The following PPME1 variants were observed in gnomAD, a reference collection of about 807,000 sequenced individuals.
The protein encoded by PPME1 is testicular secretory protein Li 39.
Under a neutral mutation model 56.9 loss-of-function variants are expected in PPME1, and 17 were observed. The observed-to-expected ratio is 0.30, with a 90% CI of 0.20 to 0.45. PPME1 has a LOEUF of 0.45. Ranked by LOEUF, PPME1 falls within the 20% of genes least tolerant of loss-of-function variation. PPME1 has a pLI of 1.00. For synonymous variants in PPME1, 122 were observed against 156.2 expected (o/e 0.78, Z 1.63); for missense variants, 357 against 483.2 (o/e 0.74, Z 2.45).
Position 74,188,424 on chromosome 11 carries a change from A to T in PPME1, c.102-15304A>T, listed in dbSNP as rs1680065936. 3.3e-5 allele frequency among the ~76,000 whole-genome samples: 5 copies of T among 152,012 alleles called. No individual in the cohort carries two copies. In the South Asian group the frequency reaches 1.0e-3, roughly 32 times the overall value. Reference sequence around the variant, plus strand: ...CTGATCTTGAACTCCTGACCTCATGATCTGCCTGCCTCGGCCTCCCAAAGT... The same window carrying T: ...CTGATCTTGAACTCCTGACCTCATGTTCTGCCTGCCTCGGCCTCCCAAAGT... On this transcript the variant is annotated intron_variant, in intron 1 of 13. Coordinates refer to ENST00000328257, the MANE Select transcript of PPME1 (RefSeq NM_016147.3).
intron 13 of PPME1, among the ~76,000 whole-genome samples, chr11:74,252,138 G>C (rs1420066794): frequency 7.2e-6 from 1 of 139,288 alleles, no homozygotes; most frequent in Non-Finnish European, 1.5e-5. Context: ...GCACAGTCTT[G>C]GTTCACTGCA....
At chr11:74,191,756 A>G (rs897174828) in intron 1 of PPME1, among the ~76,000 whole-genome samples, 25 of 152,192 alleles carry the variant, frequency 1.6e-4, no homozygotes, top group Non-Finnish European at 3.2e-4. Flanking sequence ...GACCACTTCC[A>G]TGTGGTTGGT....
At position 74,204,386 on chromosome 11, in the gene PPME1, C is replaced by G; in HGVS notation, c.229C>G (p.Pro77Ala). The G allele has an allele frequency of 6.2e-7, 1 of 1,613,448 alleles. No individual in the cohort carries two copies. The highest frequency in any genetic ancestry group is 8.5e-7 in the Non-Finnish European group (1 of 1,179,518). ...AGTCTACAAGAGTGGTTCAGAGGGT[C>G]CAGTCCTGCTCCTTCTGCATGGAGG... ...FRVYKSGSEG[P>A]VLLLLHGGGH... Residue 77 changes from proline to alanine, a missense_variant, in exon 3 of 14, where the codon CCA becomes GCA. Coordinates refer to ENST00000328257, the MANE Select transcript of PPME1 (RefSeq NM_016147.3).
At chr11:74,234,892 C>G (rs1215481733) in intron 7 of PPME1, among the ~76,000 whole-genome samples, 3 of 152,100 alleles carry the variant, frequency 2.0e-5, no homozygotes. Flanking sequence ...GAAAGAGTAT[C>G]TTTTCAGAAG....
chr11:74,202,477 A>G (rs1858196584), intron 1 of PPME1, among the ~76,000 whole-genome samples: 1 of 152,222 alleles, frequency 6.6e-6, no homozygotes, highest in African/African-American at 2.4e-5. Context: ...CCAGTATTAT[A>G]GTCAACTAGG....
chr11:74,254,276 A>AG lies in PPME1; in HGVS notation c.*768dup, dbSNP rs1437730861. On this transcript the variant is annotated 3_prime_UTR_variant, in exon 14 of 14. Transcript: ENST00000328257. ...AAATACAGCCCATGCACAAAGCCAC[A>AG]GGCCAAAGCCTATGGAATTGTTTTT... The AG allele has an allele frequency of 2.6e-5, 4 of 152,942 alleles. No individual in the cohort carries two copies. 9.5% of individuals were successfully genotyped at this position (152,942 alleles called of 1,614,324 possible).
intron 3 of PPME1, among the ~76,000 whole-genome samples, chr11:74,216,193 ATTC>A (rs758180846): frequency 3.3e-5 from 5 of 152,246 alleles, no homozygotes; most frequent in Non-Finnish European, 7.3e-5. Context: ...CAGAATACAC[ATTC>A]TTCTCCTCAA....
chr11:74,217,687 C>G (rs529973130), intron 3 of PPME1, among the ~76,000 whole-genome samples: 6 of 151,310 alleles, frequency 4.0e-5, no homozygotes, highest in African/African-American at 1.5e-4. Flanking sequence ...ACCATATGAT[C>G]ATTTCAATTG....
At chr11:74,174,141 T>C (rs1857352027) in intron 1 of PPME1, among the ~76,000 whole-genome samples, 1 of 152,036 alleles carries the variant, frequency 6.6e-6, no homozygotes, top group Non-Finnish European at 1.5e-5. Context: ...CACCACTTCA[T>C]GTAGTTGAGG....
At chr11:74,247,563 A>T (rs2135679990) in intron 11 of PPME1, 1 of 143,978 alleles carries the variant, frequency 6.9e-6, no homozygotes, top group African/African-American at 2.7e-5. Context: ...ATCTCGGCTC[A>T]CTGCAACCTC....
rs1859180574 is a variant in PPME1 at position 74,235,982 on chromosome 11, C to G, written c.710+16C>G. 1 of 1,609,838 alleles carries G rather than the reference C, an allele frequency of 6.2e-7. No homozygotes were observed. Among genetic ancestry groups the G allele is most frequent in the East Asian group, 2.2e-5 (1 of 44,784 alleles). Reference sequence around the variant, plus strand: ...AAGTCAAACAGTAGGTCTTACTCTTCCCCCTTGGTCTGGTTAGAGGCGGAA... The same window carrying G: ...AAGTCAAACAGTAGGTCTTACTCTTGCCCCTTGGTCTGGTTAGAGGCGGAA... On this transcript the variant is annotated intron_variant, in intron 8 of 13. Transcript: ENST00000328257.
chr11:74,251,825 C>T (rs756538871), intron 13 of PPME1, 110 bp downstream of exon 13: 10 of 1,354,936 alleles, frequency 7.4e-6, no homozygotes, highest in Non-Finnish European at 1.1e-5. Context: ...GTTTGGTCAC[C>T]ATGCCTTTCT....
At chr11:74,236,160 T>C (rs937500281) in intron 8 of PPME1, among the ~76,000 whole-genome samples, 194 bp downstream of exon 8, 2 of 152,238 alleles carry the variant, frequency 1.3e-5, no homozygotes, top group African/African-American at 4.8e-5. Context: ...CTCCTTCCTT[T>C]CCTTCCCTTT....
chr11:74,220,305 C>G (rs1301844140), intron 3 of PPME1, among the ~76,000 whole-genome samples: 2 of 146,566 alleles, frequency 1.4e-5, no homozygotes, highest in East Asian at 3.8e-4. Flanking sequence ...TTATTACTAC[C>G]CAGTTCTTCC....
At chr11:74,250,713 C>T in intron 11 of PPME1, 1 of 485,016 alleles carries the variant, frequency 2.1e-6, no homozygotes, top group South Asian at 3.5e-5. Flanking sequence ...TTCTATGTGT[C>T]TCTGGCCCAC....
chr11:74,251,945 G>A, intron 13 of PPME1: 1 of 717,872 alleles, frequency 1.4e-6, no homozygotes, highest in South Asian at 1.4e-5. Flanking sequence ...ATTAAATTGT[G>A]CCTAGTCTCA....
chr11:74,185,938 G>A (rs1024376921), intron 1 of PPME1, among the ~76,000 whole-genome samples: 64 of 152,218 alleles, frequency 4.2e-4, no homozygotes, highest in African/African-American at 1.2e-3. Context: ...TTTTAAGTGA[G>A]GTAAGGTTTC....
chr11:74,230,647 T>A lies in PPME1; in HGVS notation c.553+248T>A, dbSNP rs1284835190. 7 of 601,082 alleles carry A rather than the reference T, an allele frequency of 1.2e-5. No homozygotes were observed. The highest frequency in any genetic ancestry group is 3.8e-5 in the African/African-American group (2 of 53,310). 37.2% of individuals were successfully genotyped at this position (601,082 alleles called of 1,614,324 possible). On this transcript the variant is annotated intron_variant, in intron 6 of 13. Transcript: ENST00000328257. This position sits in a 1 kb window ranked among gnomAD's most constrained non-coding sequence, Gnocchi z 4.9. ...TGTCCCATAATTGTATTTAATCATATAAAAAGAAGCTGCCATGTCTTTTCT... is the reference window on the plus strand; with the variant it reads ...TGTCCCATAATTGTATTTAATCATAAAAAAAGAAGCTGCCATGTCTTTTCT...
intron 4 of PPME1, among the ~76,000 whole-genome samples, chr11:74,222,946 T>TG (rs1198560605): frequency 6.6e-6 from 1 of 151,710 alleles, no homozygotes; most frequent in African/African-American, 2.4e-5. Context: ...TTTTTTTAAT[T>TG]TTTTTTTATT....
Sources: allele counts gnomAD v4.1 joint callset (sites outside exome capture counted in the v4.1 genomes callset), GRCh38; gene constraint gnomAD v4.1.1; non-coding constraint Gnocchi (gnomAD v3.1); transcripts MANE v1.5; gene names NCBI Gene and HGNC (gene_info 2026-07-23, HGNC 2026-07-21).